The following ZNF827 variants were observed in gnomAD, a reference collection of about 807,000 sequenced individuals.
The protein encoded by ZNF827 is zinc finger protein 827.
ZNF827 carries 13 observed loss-of-function variants against 102.4 expected under a neutral mutation model. The ratio of observed to expected loss-of-function variants is 0.13; its 90% CI spans 0.08 to 0.20. ZNF827 has a LOEUF of 0.20. Among genes scored for constraint, ZNF827 ranks in the 10% least tolerant of loss-of-function variants. The probability of loss-of-function intolerance (pLI) is 1.00; values close to 1 mark genes in which losing one functional copy is unlikely to be tolerated. For missense variants in ZNF827, 1,103 were observed against 1,344.4 expected, an observed-to-expected ratio of 0.82 and a Z score of 2.81; for synonymous variants, 523 against 536.2, an observed-to-expected ratio of 0.98 and a Z score of 0.34.
chr4:145,851,193 G>A (rs1746492555), intron 5 of ZNF827, among the ~76,000 whole-genome samples: 1 of 152,176 alleles, frequency 6.6e-6, no homozygotes, highest in Non-Finnish European at 1.5e-5. Context: ...CTAGCCTCCA[G>A]AACCATGAGA....
chr4:145,927,221 G>A (rs1455065991), intron 1 of ZNF827, among the ~76,000 whole-genome samples: 1 of 152,122 alleles, frequency 6.6e-6, no homozygotes, highest in Non-Finnish European at 1.5e-5. Flanking sequence ...AGGCCATTAC[G>A]CAAAGGCAGT....
intron 1 of ZNF827, among the ~76,000 whole-genome samples, chr4:145,918,673 C>G (rs1234677134): frequency 2.0e-5 from 3 of 152,108 alleles, no homozygotes; most frequent in Admixed American, 6.5e-5. Context: ...ATAGAGGAAG[C>G]CTGGGGCTCT....
intron 7 of ZNF827, among the ~76,000 whole-genome samples, chr4:145,838,639 A>G (rs1745118173): frequency 6.6e-6 from 1 of 152,220 alleles, no homozygotes; most frequent in Non-Finnish European, 1.5e-5. Flanking sequence ...AAAGAATAAC[A>G]TTGAGAATGT....
chr4:145,867,763 G>C (rs1013564306), intron 5 of ZNF827, among the ~76,000 whole-genome samples: 1 of 152,162 alleles, frequency 6.6e-6, no homozygotes. Flanking sequence ...GAAGCAATAG[G>C]AACTCCTGTT....
chr4:145,832,301 CCACACACACACACACACA>C (rs58517710), intron 7 of ZNF827: 1 of 147,786 alleles, frequency 6.8e-6, no homozygotes, highest in Non-Finnish European at 1.5e-5. Context: ...CAAAACAAAA[CCACACACACACACACACA>C]CACACACACA....
chr4:145,859,643 C>A (rs1747512038), intron 5 of ZNF827, among the ~76,000 whole-genome samples: 1 of 152,220 alleles, frequency 6.6e-6, no homozygotes, highest in Non-Finnish European at 1.5e-5. Context: ...AAGCTACTTA[C>A]AAGTAGTGTA....
intron 1 of ZNF827, among the ~76,000 whole-genome samples, chr4:145,924,784 A>G (rs994455824): frequency 6.6e-6 from 1 of 152,090 alleles, no homozygotes; most frequent in Non-Finnish European, 1.5e-5. Context: ...ATCTGGGCCA[A>G]CCCCTTCCAT....
chr4:145,849,518 T>A lies in ZNF827; in HGVS notation c.2025A>T (p.Glu675Asp). 6.2e-7 allele frequency: 1 copy of A among 1,613,896 alleles called. No homozygotes were observed. The highest frequency in any genetic ancestry group is 8.5e-7 in the Non-Finnish European group (1 of 1,179,966). Residue 675 changes from glutamate (E) to aspartate (D), a missense_variant, in exon 6 of 15, where the codon GAA becomes GAT. Glu to Asp is a conservative substitution (Grantham distance 45, BLOSUM62 2). Transcript: ENST00000508784. ...KETQMVKIKE[E>D]PMEVDIQDSH... ...AGTCCTGGATGTCAACCTCCATGGG[T>A]TCCTCTTTAATCTTCACCATCTGTG...
rs769100664 is a variant in ZNF827, at chr4:145,849,517, G to C, written c.2026C>G (p.Pro676Ala). ...GAGTCCTGGATGTCAACCTCCATGG[G>C]TTCCTCTTTAATCTTCACCATCTGT... The part of the protein sequence containing the change: ...ETQMVKIKEE[P>A]MEVDIQDSHV... Residue 676 changes from proline to alanine, a missense_variant, in exon 6 of 15, where the codon CCC (proline) becomes GCC (alanine). Pro to Ala is a conservative substitution (Grantham distance 27, BLOSUM62 -1). Around this residue, in one of 5 missense-constraint regions of ZNF827, gnomAD observed 243 missense variants for 251.6 expected, o/e 0.97. Transcript: ENST00000508784. The C allele has an allele frequency of 1.2e-6, 2 of 1,614,060 alleles. No homozygotes were observed. Among genetic ancestry groups the C allele is most frequent in the Middle Eastern group, 3.3e-4 (2 of 6,084 alleles).
chr4:145,805,195 A>G (rs1342445630), intron 8 of ZNF827, among the ~76,000 whole-genome samples: 1 of 151,408 alleles, frequency 6.6e-6, no homozygotes, highest in East Asian at 1.9e-4. Context: ...CTTTCTGATG[A>G]AGGCATTCCC....
In ZNF827 at chr4:145,796,141, C is replaced by T. The variant is rs574392524; in HGVS notation, c.2384-16630G>A. 4.6e-5 allele frequency among the ~76,000 whole-genome samples: 7 copies of T among 152,256 alleles called. No individual in the cohort carries two copies. In the East Asian group the frequency reaches 1.2e-3, roughly 25 times the overall value. ...GAAGGATGTAACCACATGATTCCAC[C>T]GGGTGAAAAACTTGCCATTTGGAAC... On this transcript the variant is annotated intron_variant, in intron 8 of 14. Coordinates refer to ENST00000508784, the MANE Select transcript of ZNF827 (RefSeq NM_001306215.2).
intron 8 of ZNF827, among the ~76,000 whole-genome samples, chr4:145,784,554 T>A (rs1174235907): frequency 6.6e-6 from 1 of 152,206 alleles, no homozygotes; most frequent in Non-Finnish European, 1.5e-5. Context: ...CTTAATTATC[T>A]TCTTCTGTTG....
At chr4:145,888,792 T>C (rs1750348641) in intron 3 of ZNF827, among the ~76,000 whole-genome samples, 4 of 152,238 alleles carry the variant, frequency 2.6e-5, no homozygotes, top group Admixed American at 2.6e-4. Context: ...TATGTTCACT[T>C]ATCCAGGAAA....
intron 1 of ZNF827, among the ~76,000 whole-genome samples, chr4:145,935,228 C>G (rs984625588): frequency 2.6e-5 from 4 of 152,206 alleles, no homozygotes; most frequent in Non-Finnish European, 5.9e-5. Flanking sequence ...AATTCCTCCT[C>G]TCACATATAA....
chr4:145,819,574 A>C (rs1476647230), intron 8 of ZNF827, among the ~76,000 whole-genome samples: 1 of 152,222 alleles, frequency 6.6e-6, no homozygotes, highest in African/African-American at 2.4e-5. Context: ...AAACAACTAT[A>C]AATTAAATAA....
At chr4:145,857,282 T>C (rs1747240668) in intron 5 of ZNF827, among the ~76,000 whole-genome samples, 1 of 152,222 alleles carries the variant, frequency 6.6e-6, no homozygotes, top group Non-Finnish European at 1.5e-5. Flanking sequence ...TTTTTGAATT[T>C]GCAAAGAACA....
At position 145,866,505 on chromosome 4, in the gene ZNF827, T is replaced by C. The variant is rs145150675; in HGVS notation, c.1981+3740A>G. Among the ~76,000 whole-genome samples, 486 of 152,328 alleles carry C rather than the reference T, an allele frequency of 3.2e-3. 2 individuals are homozygous for C. The highest frequency in any genetic ancestry group is 0.01 in the African/African-American group (427 of 41,578). On this transcript the variant is annotated intron_variant, in intron 5 of 14. Transcript: ENST00000508784. ...AGGACTAGGCAGGAATAAATGAATA[T>C]AAACCAGAAATGAATATAAATCCAC...
At chr4:145,934,294 C>T (rs1754004225) in intron 1 of ZNF827, among the ~76,000 whole-genome samples, 1 of 152,180 alleles carries the variant, frequency 6.6e-6, no homozygotes. Flanking sequence ...TTCAACCCTA[C>T]AGTATAGGCC....
chr4:145,885,375 A>T (rs1016075883), intron 4 of ZNF827, among the ~76,000 whole-genome samples: 1 of 152,098 alleles, frequency 6.6e-6, no homozygotes, highest in Non-Finnish European at 1.5e-5. Flanking sequence ...CTGGCTTACC[A>T]TGTGACCATT....
Sources: gnomAD v4.1 joint callset for allele counts (sites outside exome capture counted in the v4.1 genomes callset) on GRCh38, gnomAD v4.1.1 for gene constraint, gnomAD v4.1.1 regional missense constraint, MANE v1.5 for transcripts, NCBI Gene and HGNC (gene_info 2026-07-23, HGNC 2026-07-21) for gene names.